STK3: variants seen among roughly 807,000 people sequenced by gnomAD.
The protein encoded by STK3 is serine/threonine-protein kinase 3.
A neutral mutation model predicts 58.0 loss-of-function variants in STK3; 41 were observed. The ratio of observed to expected loss-of-function variants is 0.71; its 90% CI spans 0.55 to 0.92. The LOEUF is 0.92. STK3 is among the 40% of genes least tolerant of loss of function. The pLI is 0.00. For missense variants in STK3, 479 were observed against 602.7 expected, an observed-to-expected ratio of 0.79 and a Z score of 2.15; for synonymous variants, 170 against 191.0, an observed-to-expected ratio of 0.89 and a Z score of 0.91.
At chr8:98,504,680 T>C (rs1823906748) in intron 10 of STK3, among the ~76,000 whole-genome samples, 1 of 152,210 alleles carries the variant, frequency 6.6e-6, no homozygotes, top group Non-Finnish European at 1.5e-5. Flanking sequence ...AAATTCTGGG[T>C]TGAAAATTCA....
chr8:98,649,685 A>G (rs1057223800), intron 6 of STK3, among the ~76,000 whole-genome samples: 4 of 152,162 alleles, frequency 2.6e-5, no homozygotes, highest in Admixed American at 6.5e-5. Flanking sequence ...TTTTTTCTCC[A>G]TAATTTTCTT....
At chr8:98,463,344 A>G (rs16892236) in intron 10 of STK3, among the ~76,000 whole-genome samples, 47,573 of 151,850 alleles carry the variant, frequency 0.31, 8,940 homozygotes, top group Admixed American at 0.5. Context: ...AGGAGATGAA[A>G]GATCAATATA....
chr8:98,693,827 C>A (rs1272637104), intron 6 of STK3, among the ~76,000 whole-genome samples: 1 of 152,062 alleles, frequency 6.6e-6, no homozygotes, highest in Non-Finnish European at 1.5e-5. Context: ...ATCAGTTTTC[C>A]AGAATTTCTC....
At chr8:98,813,258 A>C (rs1834342700) in intron 1 of STK3, among the ~76,000 whole-genome samples, 1 of 152,220 alleles carries the variant, frequency 6.6e-6, no homozygotes, top group South Asian at 2.1e-4. Flanking sequence ...ATTTCAGTAA[A>C]TGGCAGAGCT....
chr8:98,512,886 A>G (rs1402365990), intron 10 of STK3, among the ~76,000 whole-genome samples: 3 of 152,176 alleles, frequency 2.0e-5, no homozygotes, highest in Non-Finnish European at 2.9e-5. Context: ...TAAAATAATT[A>G]AGTGTTCATA....
chr8:98,829,155 G>A (rs1445155246), upstream of STK3, among the ~76,000 whole-genome samples: 1 of 152,168 alleles, frequency 6.6e-6, no homozygotes, highest in Non-Finnish European at 1.5e-5. Flanking sequence ...CCCTTCCTGT[G>A]AGGTGACCTA....
rs183171096 is a variant in STK3 at position 98,418,906 on chromosome 8, T to G, written n.483+15221A>C. On this transcript the variant is annotated intron_variant and non_coding_transcript_variant, in intron 3 of 3. Transcript: ENST00000517832. Reference sequence around the variant, plus strand: ...CTGCCACAACCTGCAGACAAAGACATGCAGTCAGTGCATTTAGAGCAGTAG... The same window carrying G: ...CTGCCACAACCTGCAGACAAAGACAGGCAGTCAGTGCATTTAGAGCAGTAG... 1.7e-3 allele frequency among the ~76,000 whole-genome samples: 265 copies of G among 152,318 alleles called. 2 individuals are homozygous for G. Among genetic ancestry groups the G allele is most frequent in the African/African-American group, 6.0e-3 (250 of 41,570 alleles).
intron 1 of STK3, among the ~76,000 whole-genome samples, chr8:98,823,541 G>A (rs1179829100): frequency 6.6e-6 from 1 of 152,174 alleles, no homozygotes; most frequent in Non-Finnish European, 1.5e-5. Flanking sequence ...GTTATTTAAC[G>A]TCTTTGAGCC....
intron 3 of STK3, among the ~76,000 whole-genome samples, chr8:98,418,633 A>G (rs1360667758): frequency 3.3e-5 from 5 of 152,160 alleles, no homozygotes; most frequent in Non-Finnish European, 5.9e-5. Context: ...GCTGGGCATG[A>G]TAAAGACAAA....
chr8:98,897,779 T>G (rs1838511815), intron 1 of STK3, among the ~76,000 whole-genome samples: 1 of 152,152 alleles, frequency 6.6e-6, no homozygotes, highest in Admixed American at 6.5e-5. Context: ...TCCCCTGGAT[T>G]TTTGGCTAAG....
At chr8:98,776,582 G>A (rs1464077600) in intron 1 of STK3, among the ~76,000 whole-genome samples, 1 of 152,122 alleles carries the variant, frequency 6.6e-6, no homozygotes, top group Non-Finnish European at 1.5e-5. Context: ...AGCGTGGAAG[G>A]TTTTCAAAAG....
At chr8:98,421,701 G>A (rs977880686) in intron 3 of STK3, among the ~76,000 whole-genome samples, 1 of 152,080 alleles carries the variant, frequency 6.6e-6, no homozygotes, top group African/African-American at 2.4e-5. Context: ...GCTTGAACCC[G>A]GGAGGTGGAG....
At chr8:98,855,051 T>A (rs894201518) in intron 3 of STK3, among the ~76,000 whole-genome samples, 4 of 151,936 alleles carry the variant, frequency 2.6e-5, no homozygotes, top group African/African-American at 9.7e-5. Context: ...AGTGAGACGC[T>A]GTCTCAAAAC....
chr8:98,512,022 C>T (rs1246386535), intron 10 of STK3, among the ~76,000 whole-genome samples: 1 of 151,746 alleles, frequency 6.6e-6, no homozygotes, highest in African/African-American at 2.4e-5. Context: ...GCACAATGTG[C>T]AGGTTTGTTA....
chr8:98,842,891 T>C (rs1381531547), intron 3 of STK3, among the ~76,000 whole-genome samples: 1 of 151,664 alleles, frequency 6.6e-6, no homozygotes, highest in African/African-American at 2.4e-5. Flanking sequence ...AATTAGCACG[T>C]CTGTGGTCCC....
rs1343191758 is a variant in STK3 at position 98,548,122 on chromosome 8, T to TA, written c.987dup (p.Ser330Ter). The TA allele has an allele frequency of 6.3e-7, 1 of 1,592,400 alleles. No individual in the cohort carries two copies. Among genetic ancestry groups the TA allele is most frequent in the Non-Finnish European group, 8.5e-7 (1 of 1,170,404 alleles). ...CGCATGGTGCCCACACTCTCCACAC[T>TA]AGTCTTCACCATGGTGTGGGAATCC... On this transcript the variant is annotated frameshift_variant, in exon 9 of 11. Transcript: ENST00000419617. LOFTEE classifies it high-confidence loss of function.
In STK3 at chr8:98,584,141, A is replaced by C. The variant is rs1199665031; in HGVS notation, c.823-4352T>G. 2.6e-5 allele frequency among the ~76,000 whole-genome samples: 4 copies of C among 151,610 alleles called. No individual in the cohort carries two copies. In the South Asian group the frequency reaches 8.4e-4, roughly 32 times the overall value. On this transcript the variant is annotated intron_variant, in intron 7 of 10. Transcript: ENST00000419617. ...ACTTTAAGTTTTAGGGTACATGTGC[A>C]CATTGTGCAGGTTAGTTACATATCT...
chr8:98,758,840 T>A (rs1309940831), intron 3 of STK3, among the ~76,000 whole-genome samples: 1 of 152,270 alleles, frequency 6.6e-6, no homozygotes, highest in Non-Finnish European at 1.5e-5. Flanking sequence ...CTTGCACTTT[T>A]ATGTTATGGA....
At chr8:98,720,374 T>A (rs910706636) in intron 4 of STK3, among the ~76,000 whole-genome samples, 1 of 152,124 alleles carries the variant, frequency 6.6e-6, no homozygotes, top group Non-Finnish European at 1.5e-5. Flanking sequence ...GTAGCAAACC[T>A]CACATTTCTT....
Sources: gnomAD v4.1 joint callset for allele counts (sites outside exome capture counted in the v4.1 genomes callset) on GRCh38, gnomAD v4.1.1 for gene constraint, MANE v1.5 for transcripts, NCBI Gene and HGNC (gene_info 2026-07-23, HGNC 2026-07-21) for gene names.